LRRIQ3: variants seen among roughly 807,000 people sequenced by gnomAD.
The protein encoded by LRRIQ3 is leucine rich repeats and IQ motif containing 3.
A neutral mutation model predicts 59.3 loss-of-function variants in LRRIQ3; 75 were observed. The ratio of observed to expected loss-of-function variants is 1.26; its 90% confidence interval spans 1.05 to 1.53. LRRIQ3 has a LOEUF of 1.53. Among genes scored for constraint, LRRIQ3 ranks in the 40% most tolerant of loss-of-function variants. The pLI is 0.00. For synonymous variants in LRRIQ3, 250 were observed against 231.3 expected, an observed-to-expected ratio of 1.08 and a Z score of -0.73; for missense variants, 831 against 710.0, an observed-to-expected ratio of 1.17 and a Z score of -1.94.
intron 3 of LRRIQ3, among the ~76,000 whole-genome samples, chr1:74,179,470 A>G (rs578132656): frequency 1.6e-4 from 24 of 152,006 alleles, no homozygotes; most frequent in Non-Finnish European, 1.9e-4. Context: ...TACCAATTAT[A>G]TAAAATAATT....
intron 3 of LRRIQ3, chr1:74,180,990 T>C: frequency 1.8e-6 from 1 of 567,236 alleles, no homozygotes. Context: ...GTCTATTCTC[T>C]GTGCCTTTCC....
At chr1:74,119,958 T>G (rs193164060) in intron 4 of LRRIQ3, among the ~76,000 whole-genome samples, 5 of 152,292 alleles carry the variant, frequency 3.3e-5, no homozygotes, top group Admixed American at 6.5e-5. Flanking sequence ...AAAACAAGAT[T>G]GTAATTGAAA....
At chr1:74,093,363 A>C (rs1238637611) in intron 5 of LRRIQ3, among the ~76,000 whole-genome samples, 1 of 152,214 alleles carries the variant, frequency 6.6e-6, no homozygotes, top group African/African-American at 2.4e-5. Context: ...AGTGTTTACT[A>C]TTCCTATCAG....
At chr1:74,109,827 A>G (rs1646668257) in intron 4 of LRRIQ3, among the ~76,000 whole-genome samples, 1 of 151,764 alleles carries the variant, frequency 6.6e-6, no homozygotes, top group Admixed American at 6.6e-5. Flanking sequence ...TTAATAAATA[A>G]TGGGAAGGAG....
rs540688895 is a variant in LRRIQ3, at chr1:74,144,221, A to G, written c.707+11512T>C. ...GACCTTTGGTCTAATTTCCTAGATTATAATCAGTGTCCCTTCATTTGACAA... is the reference window on the plus strand; with the variant it reads ...GACCTTTGGTCTAATTTCCTAGATTGTAATCAGTGTCCCTTCATTTGACAA... On this transcript the variant is annotated intron_variant, in intron 4 of 7. Transcript: ENST00000354431. Among the ~76,000 whole-genome samples, 3 of 152,044 alleles carry G rather than the reference A, an allele frequency of 2.0e-5. No individual in the cohort carries two copies. In the South Asian group the frequency reaches 6.2e-4, roughly 32 times the overall value.
intron 4 of LRRIQ3, among the ~76,000 whole-genome samples, chr1:74,116,434 C>T (rs1646777680): frequency 6.6e-6 from 1 of 151,802 alleles, no homozygotes; most frequent in Admixed American, 6.6e-5. Flanking sequence ...TAAGGCTCAC[C>T]CCCACTGAAC....
intron 4 of LRRIQ3, among the ~76,000 whole-genome samples, chr1:74,131,414 C>A (rs1196188170): frequency 2.6e-5 from 4 of 152,082 alleles, no homozygotes; most frequent in Non-Finnish European, 4.4e-5. Flanking sequence ...CTGGCAGAGA[C>A]ACAACAAAAA....
chr1:74,166,733 T>TAAAA (rs1649014634), intron 3 of LRRIQ3, among the ~76,000 whole-genome samples: 2 of 151,896 alleles, frequency 1.3e-5, no homozygotes, highest in African/African-American at 4.8e-5. Flanking sequence ...TGTATTTGTA[T>TAAAA]TTTTATTCAG....
At position 74,041,539 on chromosome 1, in the gene LRRIQ3, T is replaced by G. The variant is rs1028149417; in HGVS notation, c.1392A>C (p.Lys464Asn). Residue 464 changes from lysine to asparagine, a missense_variant, in exon 7 of 8, where the codon AAA becomes AAC. Physicochemically the swap from Lys to Asn is moderately conservative, Grantham distance 94. Transcript: ENST00000354431. ...CAATTAGTTTTTGTGTAGCATATTT[T>G]TTCTGATTCAAATGTTCATTAACAG... is the stretch of plus-strand genomic sequence containing the variant. ...RVAVNEHLNQ[K>N]KYATQKLIEE... 6.2e-6 allele frequency: 10 copies of G among 1,611,254 alleles called. No homozygotes were observed. Among genetic ancestry groups the G allele is most frequent in the Non-Finnish European group, 8.5e-6 (10 of 1,178,598 alleles).
chr1:74,099,121 G>T (rs1646492671), intron 5 of LRRIQ3, among the ~76,000 whole-genome samples: 1 of 152,092 alleles, frequency 6.6e-6, no homozygotes, highest in Non-Finnish European at 1.5e-5. Flanking sequence ...TCAGGAGCTG[G>T]TTTTTTGAAA....
chr1:74,194,296 G>A (rs1368197439), intron 1 of LRRIQ3, among the ~76,000 whole-genome samples: 1 of 152,038 alleles, frequency 6.6e-6, no homozygotes, highest in Non-Finnish European at 1.5e-5. Flanking sequence ...GTTAAGAAGG[G>A]GAGAGTCTAG....
chr1:74,044,225 C>A (rs1355190313), intron 6 of LRRIQ3, among the ~76,000 whole-genome samples: 1 of 152,046 alleles, frequency 6.6e-6, no homozygotes, highest in Non-Finnish European at 1.5e-5. Flanking sequence ...GTTTGTGCAG[C>A]AATGTAGTTT....
At chr1:74,172,560 C>T (rs916416931) in intron 3 of LRRIQ3, among the ~76,000 whole-genome samples, 3 of 152,050 alleles carry the variant, frequency 2.0e-5, no homozygotes, top group African/African-American at 7.2e-5. Flanking sequence ...TATATTACTG[C>T]TGGATTCTGT....
At chr1:74,104,867 T>G (rs1646587097) in intron 5 of LRRIQ3, among the ~76,000 whole-genome samples, 1 of 152,020 alleles carries the variant, frequency 6.6e-6, no homozygotes, top group African/African-American at 2.4e-5. Flanking sequence ...TTAATAAATT[T>G]ACCACTGTGG....
At chr1:74,075,523 C>A (rs1646196934) in intron 5 of LRRIQ3, among the ~76,000 whole-genome samples, 1 of 151,186 alleles carries the variant, frequency 6.6e-6, no homozygotes, top group Non-Finnish European at 1.5e-5. Flanking sequence ...GCCAAGATTG[C>A]ACCATTGCAC....
chr1:74,085,767 G>C (rs1370447169), intron 5 of LRRIQ3, among the ~76,000 whole-genome samples: 1 of 152,002 alleles, frequency 6.6e-6, no homozygotes, highest in East Asian at 1.9e-4. Flanking sequence ...TGCTGGAATG[G>C]AGGTGAAGCA....
At chr1:74,067,596 A>T (rs1654902206) in intron 6 of LRRIQ3, among the ~76,000 whole-genome samples, 1 of 152,026 alleles carries the variant, frequency 6.6e-6, no homozygotes, top group Admixed American at 6.6e-5. Context: ...TTCTTCTGTG[A>T]GTTCCATATG....
At chr1:74,117,887 C>T (rs1000917512) in intron 4 of LRRIQ3, among the ~76,000 whole-genome samples, 1 of 151,918 alleles carries the variant, frequency 6.6e-6, no homozygotes, top group Non-Finnish European at 1.5e-5. Flanking sequence ...TTTATAAAGA[C>T]ATTATAATGG....
At chr1:74,166,057 T>A (rs1193673330) in intron 3 of LRRIQ3, among the ~76,000 whole-genome samples, 2 of 151,750 alleles carry the variant, frequency 1.3e-5, no homozygotes, top group African/African-American at 2.4e-5. Context: ...GGTATCCAGA[T>A]AATTTTAGCT....
Sources: gnomAD v4.1 joint callset for allele counts (sites outside exome capture counted in the v4.1 genomes callset) on GRCh38, gnomAD v4.1.1 for gene constraint, MANE v1.5 for transcripts, NCBI Gene and HGNC (gene_info 2026-07-23, HGNC 2026-07-21) for gene names.